The following PPIL6 variants were observed in gnomAD, a reference collection of about 807,000 sequenced individuals.
PPIL6 encodes peptidylprolyl isomerase like 6.
PPIL6 carries 39 observed loss-of-function variants against 36.8 expected under a neutral mutation model. The observed-to-expected ratio is 1.06, with a 90% CI of 0.82 to 1.38. The LOEUF (loss-of-function observed/expected upper bound fraction) is 1.38. Among genes scored for constraint, PPIL6 ranks in the 40% most tolerant of loss-of-function variants. PPIL6 has a pLI of 0.00. For missense variants in PPIL6, 368 were observed against 379.1 expected (o/e 0.97, Z 0.24); for synonymous variants, 123 against 134.1 (o/e 0.92, Z 0.57).
At chr6:109,406,378 A>G (rs1053096467) in intron 6 of PPIL6, among the ~76,000 whole-genome samples, 1 of 152,056 alleles carries the variant, frequency 6.6e-6, no homozygotes, top group Non-Finnish European at 1.5e-5. Context: ...TTAGGAACAC[A>G]TATGTCGCAA....
At chr6:109,417,329 C>A (rs1369417745) in intron 6 of PPIL6, among the ~76,000 whole-genome samples, 1 of 151,760 alleles carries the variant, frequency 6.6e-6, no homozygotes, top group Non-Finnish European at 1.5e-5. Context: ...GGGAAGATTG[C>A]TTGAGCCCAG....
Position 109,400,053 on chromosome 6 carries a change from C to T in PPIL6, c.806G>A (p.Arg269Lys), listed in dbSNP as rs1772466080. The T allele has an allele frequency of 6.2e-7, 1 of 1,611,864 alleles. No individual in the cohort carries two copies. The highest frequency in any genetic ancestry group is 1.3e-5 in the African/African-American group (1 of 74,954). The change falls in exon 7 of 8, where the codon AGA (arginine) becomes AAA (lysine). Residue 269 changes from arginine (R) to lysine (K), a missense_variant. By Grantham distance (26) the Arg-to-Lys change is conservative. Coordinates refer to ENST00000521072, the MANE Select transcript of PPIL6 (RefSeq NM_173672.5). ...ITLQATPYLD[R>K]KFVAFGQLIE... Reference sequence around the variant, plus strand: ...TACATACCCAAAAGCCACAAATTTTCTATCTAGATAAGGAGTTGCTTGCAG... The same window carrying T: ...TACATACCCAAAAGCCACAAATTTTTTATCTAGATAAGGAGTTGCTTGCAG...
chr6:109,411,117 G>A (rs112844646), intron 6 of PPIL6, among the ~76,000 whole-genome samples: 7 of 152,190 alleles, frequency 4.6e-5, no homozygotes, highest in African/African-American at 1.7e-4. Flanking sequence ...GAACAGAGGT[G>A]AATGTATGCT....
At chr6:109,433,447 T>C (rs1335908712) in intron 2 of PPIL6, among the ~76,000 whole-genome samples, 2 of 152,250 alleles carry the variant, frequency 1.3e-5, no homozygotes, top group Non-Finnish European at 2.9e-5. Flanking sequence ...AGGTATGTTT[T>C]ATTTGGAGGC....
intron 3 of PPIL6, among the ~76,000 whole-genome samples, chr6:109,429,440 T>C (rs941198664): frequency 3.3e-5 from 5 of 152,292 alleles, no homozygotes; most frequent in South Asian, 2.1e-4. Flanking sequence ...TTAGGATCTA[T>C]TGGATTTTTT....
chr6:109,419,857 A>C (rs995738998), intron 5 of PPIL6, among the ~76,000 whole-genome samples: 1 of 152,218 alleles, frequency 6.6e-6, no homozygotes, highest in African/African-American at 2.4e-5. Context: ...GCACTTTTAC[A>C]TTCATGATAA....
intron 1 of PPIL6, 98 bp downstream of exon 1, chr6:109,440,358 A>T: frequency 2.1e-6 from 3 of 1,412,752 alleles, no homozygotes; most frequent in South Asian, 2.5e-5. Flanking sequence ...TGGGGCCTCG[A>T]CCCCCGCCGC....
intron 7 of PPIL6, among the ~76,000 whole-genome samples, chr6:109,397,265 C>T (rs1007438523): frequency 2.0e-5 from 3 of 151,696 alleles, no homozygotes; most frequent in African/African-American, 7.3e-5. Context: ...GTGGTGATAA[C>T]AAAAATTAGA....
intron 5 of PPIL6, among the ~76,000 whole-genome samples, chr6:109,424,638 T>G (rs1185885836): frequency 6.6e-6 from 1 of 152,146 alleles, no homozygotes; most frequent in Non-Finnish European, 1.5e-5. Context: ...GTCACAGGAT[T>G]AGACAGGAGG....
chr6:109,395,762 G>A (rs562825854), intron 7 of PPIL6, among the ~76,000 whole-genome samples: 2 of 151,666 alleles, frequency 1.3e-5, no homozygotes, highest in African/African-American at 2.4e-5. Context: ...CTGCCACCAT[G>A]CGTGGCTAAC....
chr6:109,391,660 G>C lies in PPIL6; in HGVS notation c.*1166C>G, dbSNP rs999652184. 1.3e-5 allele frequency: 2 copies of C among 152,134 alleles called. No homozygotes were observed. The highest frequency in any genetic ancestry group is 2.4e-5 in the African/African-American group (1 of 41,404). 9.4% of individuals were successfully genotyped at this position (152,134 alleles called of 1,614,324 possible). A position where few individuals can be genotyped will look rare whatever the true frequency, so the allele number is the denominator to read the frequency against. ...TAGGTTACATTTTAAAAGCTCCCCA[G>C]GTGATATGAGCTTGAGAACTTTAGA... On this transcript the variant is annotated 3_prime_UTR_variant, in exon 8 of 8. Transcript: ENST00000521072.
At chr6:109,438,880 C>T (rs146424790) in intron 1 of PPIL6, among the ~76,000 whole-genome samples, 1,770 of 152,334 alleles carry the variant, frequency 0.012, 39 homozygotes, top group African/African-American at 0.041. Flanking sequence ...AGCCACCGCG[C>T]TCGGCCTGTA....
intron 1 of PPIL6, chr6:109,440,177 T>G: frequency 3.9e-6 from 2 of 519,052 alleles, no homozygotes; most frequent in Non-Finnish European, 7.4e-6. Context: ...TCGGAGGGGA[T>G]TACCTTATCT....
In PPIL6 at chr6:109,407,365, G is replaced by A. The variant is rs1200312945; in HGVS notation, c.689-7195C>T. On this transcript the variant is annotated intron_variant, in intron 6 of 7. Coordinates refer to ENST00000521072, the MANE Select transcript of PPIL6 (RefSeq NM_173672.5). Reference sequence around the variant, plus strand: ...CGCCATTCTCCTGCCTCAGCCTCCCGAGTATCTGGGACTACAGGCGCCCGC... The same window carrying A: ...CGCCATTCTCCTGCCTCAGCCTCCCAAGTATCTGGGACTACAGGCGCCCGC... Among the ~76,000 whole-genome samples, 6 of 151,608 alleles carry A rather than the reference G, an allele frequency of 4.0e-5. No homozygotes were observed. The East Asian group carries it at 5.8e-4, about 15-fold the overall frequency.
intron 5 of PPIL6, among the ~76,000 whole-genome samples, chr6:109,421,028 C>T (rs1773517237): frequency 1.3e-5 from 2 of 152,150 alleles, no homozygotes; most frequent in African/African-American, 4.8e-5. Context: ...GCTGAGGGCC[C>T]CCCCACCATC....
Position 109,400,132 on chromosome 6 carries a change from G to T in PPIL6, c.727C>A (p.Leu243Ile), listed in dbSNP as rs758524060. ...TGACGGCCTTTGTTGGCCATTCCAA[G>T]TACTCCTCTTTTATTATGAGGAACT... ...FSVPHNKRGV[L>I]GMANKGRHSN... Residue 243 changes from leucine (L) to isoleucine (I), a missense_variant, in exon 7 of 8, where the codon CTT becomes ATT. Leu to Ile is a conservative substitution (Grantham distance 5). Coordinates refer to ENST00000521072, the MANE Select transcript of PPIL6 (RefSeq NM_173672.5). 5 of 1,613,376 alleles carry T rather than the reference G, an allele frequency of 3.1e-6. No homozygotes were observed. In the East Asian group the frequency reaches 8.9e-5, roughly 29 times the overall value.
intron 6 of PPIL6, among the ~76,000 whole-genome samples, chr6:109,412,229 C>CGTTT (rs2115223681): frequency 6.6e-6 from 1 of 152,338 alleles, no homozygotes; most frequent in African/African-American, 2.4e-5. Flanking sequence ...GACTGTAAAA[C>CGTTT]TGTCCTGAGC....
chr6:109,403,786 T>G (rs1772664155), intron 6 of PPIL6, among the ~76,000 whole-genome samples: 1 of 152,224 alleles, frequency 6.6e-6, no homozygotes, highest in African/African-American at 2.4e-5. Flanking sequence ...GTGTTAAGCT[T>G]AACAAAAGTG....
intron 5 of PPIL6, among the ~76,000 whole-genome samples, chr6:109,421,228 T>C (rs927385362): frequency 3.3e-5 from 5 of 152,250 alleles, no homozygotes; most frequent in African/African-American, 4.8e-5. Context: ...TCAATCCGTA[T>C]TTACTATTCT....
Sources: gnomAD v4.1 joint callset for allele counts (sites outside exome capture counted in the v4.1 genomes callset) on GRCh38, gnomAD v4.1.1 for gene constraint, MANE v1.5 for transcripts, NCBI Gene and HGNC (gene_info 2026-07-23, HGNC 2026-07-21) for gene names.